Variants in THRB observed in about 807,000 individuals in gnomAD.
The protein encoded by THRB is nuclear receptor subfamily 1 group A member 2.
Under a neutral mutation model 47.8 loss-of-function variants are expected in THRB, and 12 were observed. The observed-to-expected ratio is 0.25, with a 90% CI of 0.16 to 0.41. THRB has a LOEUF of 0.41. Among genes scored for constraint, THRB ranks in the 10% least tolerant of loss-of-function variants. The probability of loss-of-function intolerance (pLI) is 1.00; values close to 1 mark genes in which losing one functional copy is unlikely to be tolerated. For synonymous variants in THRB, 218 were observed against 212.2 expected (o/e 1.03, Z -0.24); for missense variants, 348 against 589.2 (o/e 0.59, Z 4.24).
intron 1 of THRB, among the ~76,000 whole-genome samples, chr3:24,375,486 CATATA>C (rs995650150): frequency 1.8e-4 from 25 of 141,436 alleles, no homozygotes; most frequent in Non-Finnish European, 3.3e-4. Flanking sequence ...TATAGTTAGA[CATATA>C]ATATTAATAT....
At chr3:24,196,432 A>T (rs2043962558) in intron 4 of THRB, among the ~76,000 whole-genome samples, 1 of 152,208 alleles carries the variant, frequency 6.6e-6, no homozygotes, top group African/African-American at 2.4e-5. Context: ...TTTGATGACC[A>T]AATAGGTTTA....
chr3:24,298,547 G>A (rs1404348200), intron 2 of THRB, among the ~76,000 whole-genome samples: 2 of 152,224 alleles, frequency 1.3e-5, no homozygotes, highest in Middle Eastern at 3.2e-3. Context: ...AAGAAAACGA[G>A]GCCAGGAAGA....
intron 1 of THRB, chr3:24,430,678 G>C (rs1292017507): frequency 6.6e-6 from 1 of 152,016 alleles, no homozygotes; most frequent in Non-Finnish European, 1.5e-5. Context: ...CTTAAGAAAA[G>C]TTGAAAAATT....
intron 8 of THRB, among the ~76,000 whole-genome samples, chr3:24,138,435 C>A (rs2034988823): frequency 1.3e-5 from 2 of 152,134 alleles, no homozygotes; most frequent in African/African-American, 4.8e-5. Flanking sequence ...CATGTAGTAA[C>A]CACTTACGTG....
intron 1 of THRB, among the ~76,000 whole-genome samples, chr3:24,452,262 G>A (rs1427438843): frequency 6.6e-6 from 1 of 152,086 alleles, no homozygotes; most frequent in Non-Finnish European, 1.5e-5. Context: ...TAAAAGTAGT[G>A]CATTAAAATA....
chr3:24,266,270 A>G (rs1331714016), intron 3 of THRB, among the ~76,000 whole-genome samples: 1 of 152,182 alleles, frequency 6.6e-6, no homozygotes, highest in Non-Finnish European at 1.5e-5. Context: ...AAAACCAAGA[A>G]AGGAGTGTAA....
intron 2 of THRB, among the ~76,000 whole-genome samples, chr3:24,301,990 A>G (rs530868287): frequency 1.4e-4 from 21 of 152,040 alleles, no homozygotes; most frequent in African/African-American, 5.1e-4. Context: ...CCAGGCTGAA[A>G]CCTAAGCCCT....
At chr3:24,375,788 A>ATTTTCTTTTC (rs60099609) in intron 1 of THRB, among the ~76,000 whole-genome samples, 1 of 151,738 alleles carries the variant, frequency 6.6e-6, no homozygotes, top group African/African-American at 2.4e-5. Flanking sequence ...CTGGAATTTG[A>ATTTTCTTTTC]TTTTCTTTTC....
intron 1 of THRB, among the ~76,000 whole-genome samples, chr3:24,422,760 A>G (rs1322643629): frequency 3.9e-5 from 6 of 151,910 alleles, no homozygotes; most frequent in Non-Finnish European, 7.4e-5. Flanking sequence ...CCAGAATCCA[A>G]CAATGAAGGG....
At chr3:24,136,801 CT>C (rs1183075112) in intron 8 of THRB, among the ~76,000 whole-genome samples, 1 of 152,190 alleles carries the variant, frequency 6.6e-6, no homozygotes, top group East Asian at 1.9e-4. Flanking sequence ...CTGATATCCT[CT>C]CTTTGCCCTA....
At chr3:24,234,169 T>C (rs1313127000) in intron 3 of THRB, among the ~76,000 whole-genome samples, 3 of 152,178 alleles carry the variant, frequency 2.0e-5, no homozygotes, top group Non-Finnish European at 4.4e-5. Flanking sequence ...CCTCAAGAAA[T>C]GTAATGAAAA....
intron 1 of THRB, among the ~76,000 whole-genome samples, chr3:24,441,309 G>A (rs2125405030): frequency 6.6e-6 from 1 of 152,308 alleles, no homozygotes; most frequent in African/African-American, 2.4e-5. Flanking sequence ...AAAGAGAGGA[G>A]ATTAGAGACA....
rs767393658 is a variant in THRB at position 24,190,307 on chromosome 3, G to A, written c.50C>T (p.Pro17Leu). Residue 17 changes from proline to leucine, a missense_variant, in exon 5 of 11, where the codon CCG (proline) becomes CTG (leucine). Physicochemically the swap from Pro to Leu is moderately conservative, Grantham distance 98 (BLOSUM62 -3). Coordinates refer to ENST00000646209, the MANE Select transcript of THRB (RefSeq NM_001354712.2). ...TENGLTAWDK[P>L]KHCPDREHDW... ...GTGTTCTCGGTCTGGACAGTGCTTC[G>A]GTTTGTCCCAGGCTGTAAGGCCATT... 6 of 1,614,060 alleles carry A rather than the reference G, an allele frequency of 3.7e-6. No homozygotes were observed. Among genetic ancestry groups the A allele is most frequent in the East Asian group, 2.2e-5 (1 of 44,882 alleles).
At chr3:24,481,229 G>GTTTTGTTTTTTTTT (rs1696316795) in intron 1 of THRB, among the ~76,000 whole-genome samples, 5 of 55,366 alleles carry the variant, frequency 9.0e-5, no homozygotes, top group African/African-American at 3.8e-4. Flanking sequence ...GTTTCTTTCT[G>GTTTTGTTTTTTTTT]TTTTTTTTTT....
At chr3:24,435,656 A>C (rs752043254) in intron 1 of THRB, among the ~76,000 whole-genome samples, 3 of 152,194 alleles carry the variant, frequency 2.0e-5, no homozygotes, top group Non-Finnish European at 4.4e-5. Context: ...ATATTCCCAC[A>C]ATGCCAGAAG....
At chr3:24,477,962 G>A (rs143701596) in intron 1 of THRB, among the ~76,000 whole-genome samples, 1 of 149,892 alleles carries the variant, frequency 6.7e-6, no homozygotes, top group African/African-American at 2.5e-5. Flanking sequence ...AGCAAAAGAG[G>A]ATCCAAACAA....
At chr3:24,407,957 C>T (rs983554465) in intron 1 of THRB, among the ~76,000 whole-genome samples, 7 of 151,752 alleles carry the variant, frequency 4.6e-5, no homozygotes, top group South Asian at 2.1e-4. Flanking sequence ...ACAAGTTATT[C>T]GTATGAATGA....
At chr3:24,409,140 G>A (rs1361587269) in intron 1 of THRB, among the ~76,000 whole-genome samples, 7 of 151,734 alleles carry the variant, frequency 4.6e-5, no homozygotes, top group South Asian at 2.1e-4. Context: ...TTAGGTACCC[G>A]AAATGTCATA....
At chr3:24,447,285 T>G (rs1341302036) in intron 1 of THRB, among the ~76,000 whole-genome samples, 2 of 152,158 alleles carry the variant, frequency 1.3e-5, no homozygotes, top group Non-Finnish European at 2.9e-5. Flanking sequence ...CAACAACCCT[T>G]AAGTATGATT....
Sources: gnomAD v4.1 joint callset for allele counts (sites outside exome capture counted in the v4.1 genomes callset) on GRCh38, gnomAD v4.1.1 for gene constraint, MANE v1.5 for transcripts, NCBI Gene and HGNC (gene_info 2026-07-23, HGNC 2026-07-21) for gene names.